The following CEP170B variants were observed in gnomAD, a reference collection of about 807,000 sequenced individuals.
The protein encoded by CEP170B is centrosomal protein 170B, also known as centrosomal protein of 170 kDa protein B.
Under a neutral mutation model 120.6 loss-of-function variants are expected in CEP170B, and 55 were observed. That is an observed-to-expected ratio of 0.46 (90% CI 0.37 to 0.57). The LOEUF (loss-of-function observed/expected upper bound fraction) is 0.57, where lower values mean the gene tolerates loss of function less well. CEP170B is among the 20% of genes least tolerant of loss of function. CEP170B has a pLI of 0.00. For missense variants in CEP170B, 2,212 were observed against 2,253.3 expected, an observed-to-expected ratio of 0.98 and a Z score of 0.37; for synonymous variants, 1,033 against 954.5, an observed-to-expected ratio of 1.08 and a Z score of -1.52.
rs2140616231 is a variant in CEP170B at position 104,868,871 on chromosome 14, C to G, written c.105+316C>G. Reference sequence around the variant, plus strand: ...GTCCCTAGAAGCGTGAGTTGGCGTCCTTTTGCAGAGAGGGAGCTGAGGCTG... The same window carrying G: ...GTCCCTAGAAGCGTGAGTTGGCGTCGTTTTGCAGAGAGGGAGCTGAGGCTG... On this transcript the variant is annotated intron_variant, in intron 2 of 18. Transcript: ENST00000414716. The surrounding 1 kb of genome is among the most constrained non-coding windows in gnomAD (Gnocchi z 5.9). Among the ~76,000 whole-genome samples, 1 of 152,218 alleles carries G rather than the reference C, an allele frequency of 6.6e-6. No homozygotes were observed. Among genetic ancestry groups the G allele is most frequent in the South Asian group, 2.1e-4 (1 of 4,816 alleles).
Position 104,883,192 on chromosome 14 carries a change from C to T in CEP170B, c.735C>T (p.His245=), listed in dbSNP as rs201321065. Residue 245 remains histidine (H), a synonymous_variant, in exon 8 of 19, where the codon CAC becomes CAT. Coordinates refer to ENST00000414716, the MANE Select transcript of CEP170B (RefSeq NM_001112726.3). The stretch of plus-strand genomic sequence containing the variant: ...CGCAGCCCCCCGAGGTGCCGGCACA[C>T]GAGATGCCCACGAAGGATGCAGAGG... ...QPSQPPEVPA[H]EMPTKDAEAG... is the part of the protein sequence containing the mutation. 26 of 1,610,328 alleles carry T rather than the reference C, an allele frequency of 1.6e-5. No individual in the cohort carries two copies. The highest frequency in any genetic ancestry group is 1.7e-4 in the Middle Eastern group (1 of 6,056).
At position 104,878,436 on chromosome 14, in the gene CEP170B, T is replaced by C; in HGVS notation, c.275-7T>C. 6.2e-7 allele frequency: 1 copy of C among 1,612,592 alleles called. No individual in the cohort carries two copies. The highest frequency in any genetic ancestry group is 1.6e-4 in the Middle Eastern group (1 of 6,062). On this transcript the variant is annotated splice_polypyrimidine_tract_variant and splice_region_variant and intron_variant, in intron 4 of 18. Transcript: ENST00000414716. ...TCTGCTCTGTGTTCGCCTTAACACG[T>C]GTCCACATTCCAACATGTATGTGCT...
At chr14:104,872,042 C>T (rs1895510577) in intron 2 of CEP170B, among the ~76,000 whole-genome samples, 1 of 152,210 alleles carries the variant, frequency 6.6e-6, no homozygotes, top group Non-Finnish European at 1.5e-5. Context: ...GACGCAGGAA[C>T]GTGGACCCAG....
Position 104,884,640 on chromosome 14 carries a change from G to A in CEP170B, c.1770+91G>A, listed in dbSNP as rs12892011. 4.1e-5 allele frequency: 47 copies of A among 1,144,368 alleles called. No homozygotes were observed. The East Asian group carries it at 4.2e-4, about 10-fold the overall frequency. The allele number at this position is 1,144,368 out of a possible 1,614,324, so 70.9% of individuals were successfully genotyped here. A position where few individuals can be genotyped will look rare whatever the true frequency, so the allele number is the denominator to read the frequency against. ...GCGAGTGAGAGCCCTCGTGGGGAAC[G>A]GGGGGTGGAGGCGATGCCGGGGGTG... On this transcript the variant is annotated intron_variant, in intron 9 of 18. Coordinates refer to ENST00000414716, the MANE Select transcript of CEP170B (RefSeq NM_001112726.3).
In CEP170B at chr14:104,896,650, G is replaced by A. The variant is rs541550221; in HGVS notation, c.*1692G>A. The A allele has an allele frequency of 1.8e-5, 8 of 456,176 alleles. No homozygotes were observed. The highest frequency in any genetic ancestry group is 4.0e-5 in the African/African-American group (2 of 50,138). 28.3% of individuals were successfully genotyped at this position (456,176 alleles called of 1,614,324 possible). A position where few individuals can be genotyped will look rare whatever the true frequency, so the allele number is the denominator to read the frequency against. Reference sequence around the variant, plus strand: ...TTCTCGGAGGGTTCACTGTACATTCGTTCTCAGGTGGTCTTGTGGCTGTCT... The same window carrying A: ...TTCTCGGAGGGTTCACTGTACATTCATTCTCAGGTGGTCTTGTGGCTGTCT... On this transcript the variant is annotated 3_prime_UTR_variant, in exon 19 of 19. Transcript: ENST00000414716.
Position 104,868,460 on chromosome 14 carries a change from A to G in CEP170B, c.10A>G (p.Thr4Ala). Residue 4 changes from threonine (T) to alanine (A), a missense_variant, in exon 2 of 19, where the codon ACG becomes GCG. This residue lies in a region of CEP170B where 46 missense variants were observed against 86.6 expected (regional missense o/e 0.53). Coordinates refer to ENST00000414716, the MANE Select transcript of CEP170B (RefSeq NM_001112726.3). This position sits in a 1 kb window ranked among gnomAD's most constrained non-coding sequence, Gnocchi z 5.9. MSA[T>A]SWFLVSSSGA... Reference sequence around the variant, plus strand: ...CCCAGCCAGCACCAAGATGAGTGCCACGTCCTGGTTCCTGGTGAGCAGCAG... The same window carrying G: ...CCCAGCCAGCACCAAGATGAGTGCCGCGTCCTGGTTCCTGGTGAGCAGCAG... 1 of 1,548,760 alleles carries G rather than the reference A, an allele frequency of 6.5e-7. No homozygotes were observed. The highest frequency in any genetic ancestry group is 8.7e-7 in the Non-Finnish European group (1 of 1,146,896).
intron 3 of CEP170B, 32 bp from the exon 4 acceptor site, chr14:104,877,840 ACCCGCGCAGCTCC>A: frequency 4.2e-6 from 1 of 237,900 alleles, no homozygotes. Context: ...ACAGCCACCC[ACCCGCGCAGCTCC>A]CCCCCCCCCC....
rs62641743 is a variant in CEP170B, at chr14:104,883,885, C to T, written c.1106C>T (p.Ala369Val). ...GACTCAGAGGACCCCCTGGCCAAGG[C>T]GGCCTCGGCCGCTGGGGTGCCCTTG... ...QSDSEDPLAK[A>V]ASAAGVPLEA... Residue 369 changes from alanine to valine, a missense_variant, in exon 9 of 19, where the codon GCG becomes GTG. This residue lies in a region of CEP170B where 2,166 missense variants were observed against 2,166.7 expected (regional missense o/e 1.00). Transcript: ENST00000414716. The T allele has an allele frequency of 3.8e-3, 5,979 of 1,580,544 alleles. 45 individuals are homozygous for T. Among genetic ancestry groups the T allele is most frequent in the African/African-American group, 0.03 (2,239 of 74,306 alleles).
intron 13 of CEP170B, 112 bp downstream of exon 13, chr14:104,889,870 T>C: frequency 9.0e-7 from 1 of 1,111,572 alleles, no homozygotes. Flanking sequence ...GGATAGATGG[T>C]ACGGCAGATG....
intron 4 of CEP170B, among the ~76,000 whole-genome samples, chr14:104,878,164 C>T (rs1289725360): frequency 2.0e-5 from 3 of 151,944 alleles, no homozygotes; most frequent in Non-Finnish European, 4.4e-5. Context: ...CCCCCGTGGA[C>T]ACCCTGGCCA....
At position 104,895,086 on chromosome 14, in the gene CEP170B, CG is replaced by C; in HGVS notation, c.*131del. 2 of 1,119,890 alleles carry C rather than the reference CG, an allele frequency of 1.8e-6. No individual in the cohort carries two copies. Among genetic ancestry groups the C allele is most frequent in the African/African-American group, 3.2e-5 (2 of 63,436 alleles). The allele number at this position is 1,119,890 out of a possible 1,614,324, so 69.4% of individuals were successfully genotyped here. The stretch of plus-strand genomic sequence containing the variant: ...CCCACATGTGCCATATCCCTGTGGG[CG>C]GGTGCCTCCCACGCCCTTGCCCCCT... On this transcript the variant is annotated 3_prime_UTR_variant, in exon 19 of 19. Coordinates refer to ENST00000414716, the MANE Select transcript of CEP170B (RefSeq NM_001112726.3).
chr14:104,882,338 C>A (rs1896196938), intron 6 of CEP170B, among the ~76,000 whole-genome samples: 1 of 152,196 alleles, frequency 6.6e-6, no homozygotes, highest in South Asian at 2.1e-4. Flanking sequence ...CTCCTGCCCT[C>A]TGTTGGATGC....
intron 7 of CEP170B, 90 bp from the exon 8 acceptor site, chr14:104,882,945 C>T: frequency 9.6e-6 from 14 of 1,452,076 alleles, no homozygotes; most frequent in Non-Finnish European, 1.3e-5. Context: ...CCTGTCTCCC[C>T]CTCTTGGGTG....
At position 104,868,747 on chromosome 14, in the gene CEP170B, G is replaced by T. The variant is rs1393282771; in HGVS notation, c.105+192G>T. On this transcript the variant is annotated intron_variant, in intron 2 of 18. Coordinates refer to ENST00000414716, the MANE Select transcript of CEP170B (RefSeq NM_001112726.3). The surrounding 1 kb of genome is among the most constrained non-coding windows in gnomAD (Gnocchi z 5.9). ...GGGGCTCCCGTGGGTGCGTGCAGGGGTGTGTGTGTGCTCACAGGCTCGGGT... is the reference window on the plus strand; with the variant it reads ...GGGGCTCCCGTGGGTGCGTGCAGGGTTGTGTGTGTGCTCACAGGCTCGGGT... Among the ~76,000 whole-genome samples, 1 of 152,200 alleles carries T rather than the reference G, an allele frequency of 6.6e-6. No homozygotes were observed. Among genetic ancestry groups the T allele is most frequent in the Admixed American group, 6.5e-5 (1 of 15,286 alleles).
chr14:104,864,566 C>G (rs1895086644), upstream of CEP170B, among the ~76,000 whole-genome samples: 1 of 152,196 alleles, frequency 6.6e-6, no homozygotes, highest in African/African-American at 2.4e-5. This position sits in a 1 kb window ranked among gnomAD's most constrained non-coding sequence, Gnocchi z 5.9. Context: ...CCAGGAACCC[C>G]GAGCGCCTCC....
At chr14:104,875,889 G>C (rs1167673137) in intron 2 of CEP170B, among the ~76,000 whole-genome samples, 5 of 152,218 alleles carry the variant, frequency 3.3e-5, no homozygotes, top group Non-Finnish European at 5.9e-5. Flanking sequence ...TGGGCCAGGA[G>C]TGGGGGAGGG....
intron 2 of CEP170B, among the ~76,000 whole-genome samples, chr14:104,871,114 C>T (rs1285475745): frequency 1.3e-5 from 2 of 152,152 alleles, no homozygotes; most frequent in Non-Finnish European, 2.9e-5. Context: ...CGCCAGGACC[C>T]CCGCCCTCTC....
Position 104,885,562 on chromosome 14 carries a change from C to T in CEP170B, c.1944+20C>T. 6.5e-7 allele frequency: 1 copy of T among 1,539,852 alleles called. No individual in the cohort carries two copies. Among genetic ancestry groups the T allele is most frequent in the South Asian group, 1.2e-5 (1 of 83,306 alleles). The stretch of plus-strand genomic sequence containing the variant: ...CACCAGGTACAGGCACAGACGGCCA[C>T]CCCAAGGAGGGGCTGGGCAGGAAGA... On this transcript the variant is annotated intron_variant, in intron 10 of 18. Transcript: ENST00000414716.
intron 9 of CEP170B, 74 bp from the exon 10 acceptor site, chr14:104,885,295 T>A: frequency 6.9e-7 from 1 of 1,439,528 alleles, no homozygotes. Flanking sequence ...GGCCTGGGGG[T>A]GGCCAGTGTC....
Sources: gnomAD v4.1 joint callset for allele counts (sites outside exome capture counted in the v4.1 genomes callset) on GRCh38, gnomAD v4.1.1 for gene constraint, gnomAD v4.1.1 regional missense constraint, Gnocchi (gnomAD v3.1) non-coding constraint, MANE v1.5 for transcripts, NCBI Gene and HGNC (gene_info 2026-07-23, HGNC 2026-07-21) for gene names.